FBXL17: variants seen among roughly 807,000 people sequenced by gnomAD.
The protein encoded by FBXL17 is F-box and leucine rich repeat protein 17.
Under a neutral mutation model 66.2 loss-of-function variants are expected in FBXL17, and 22 were observed. The ratio of observed to expected loss-of-function variants is 0.33; its 90% CI spans 0.24 to 0.47. The LOEUF is 0.47. FBXL17 is among the 20% of genes least tolerant of loss of function. The pLI, the probability that FBXL17 is intolerant of heterozygous loss-of-function variation, is 1.00. For synonymous variants in FBXL17, 474 were observed against 400.5 expected, an observed-to-expected ratio of 1.18 and a Z score of -2.19; for missense variants, 878 against 948.2, an observed-to-expected ratio of 0.93 and a Z score of 0.97.
At chr5:108,134,949 G>T (rs1044846774) in intron 6 of FBXL17, among the ~76,000 whole-genome samples, 1 of 152,084 alleles carries the variant, frequency 6.6e-6, no homozygotes, top group Non-Finnish European at 1.5e-5. Flanking sequence ...TTTTAATGAT[G>T]ACATCTTCTA....
intron 7 of FBXL17, among the ~76,000 whole-genome samples, chr5:107,980,562 C>A (rs1752768087): frequency 6.8e-6 from 1 of 146,906 alleles, no homozygotes; most frequent in South Asian, 2.2e-4. Context: ...TCTTGAACTC[C>A]TGGGCTCAAG....
chr5:108,004,680 G>A (rs1394729534), intron 7 of FBXL17, among the ~76,000 whole-genome samples: 1 of 152,144 alleles, frequency 6.6e-6, no homozygotes, highest in African/African-American at 2.4e-5. Context: ...TCTTCTGAAT[G>A]AAAATGGAGG....
chr5:108,323,136 A>T (rs1214413929), intron 4 of FBXL17, among the ~76,000 whole-genome samples: 1 of 151,950 alleles, frequency 6.6e-6, no homozygotes, highest in Non-Finnish European at 1.5e-5. Context: ...AAGGAAAGAC[A>T]TCTAAATTAG....
intron 6 of FBXL17, among the ~76,000 whole-genome samples, chr5:108,120,279 A>T (rs1004684650): frequency 6.6e-6 from 1 of 152,232 alleles, no homozygotes; most frequent in African/African-American, 2.4e-5. Flanking sequence ...AAAGTGGCTT[A>T]TAAGATGGAA....
At chr5:108,105,449 G>A (rs1749760192) in intron 6 of FBXL17, among the ~76,000 whole-genome samples, 1 of 152,192 alleles carries the variant, frequency 6.6e-6, no homozygotes, top group South Asian at 2.1e-4. Context: ...GCCACATGCT[G>A]TTTTGAAGAT....
intron 6 of FBXL17, among the ~76,000 whole-genome samples, chr5:108,027,629 A>G (rs1186359044): frequency 6.6e-6 from 1 of 152,138 alleles, no homozygotes; most frequent in Non-Finnish European, 1.5e-5. Context: ...TATAACCTTG[A>G]TGGATCAAAT....
intron 4 of FBXL17, among the ~76,000 whole-genome samples, chr5:108,322,143 T>G (rs1418838112): frequency 2.0e-5 from 3 of 151,884 alleles, no homozygotes; most frequent in Non-Finnish European, 2.9e-5. Flanking sequence ...TCTGGCAATA[T>G]CTACGAAAAT....
intron 4 of FBXL17, among the ~76,000 whole-genome samples, chr5:108,333,759 T>C (rs558718328): frequency 6.6e-6 from 1 of 152,230 alleles, no homozygotes; most frequent in South Asian, 2.1e-4. Context: ...AAAACCCCAA[T>C]GAGATTGTCT....
chr5:108,374,451 C>T (rs916618029), intron 1 of FBXL17, among the ~76,000 whole-genome samples: 6 of 152,114 alleles, frequency 3.9e-5, no homozygotes, highest in African/African-American at 1.4e-4. Flanking sequence ...GGAGGCAGAT[C>T]ACTTGAGCCC....
Position 108,196,509 on chromosome 5 carries a change from G to A in FBXL17, c.1615-10262C>T, listed in dbSNP as rs116556937. 3.6e-3 allele frequency among the ~76,000 whole-genome samples: 543 copies of A among 152,260 alleles called. 4 individuals are homozygous for A. The highest frequency in any genetic ancestry group is 0.013 in the African/African-American group (526 of 41,558). The stretch of plus-strand genomic sequence containing the variant: ...ATGTTCCTTCCACTAGAGTCAAAAG[G>A]AAGCTACTGCAGGTCAGGACCATGT... On this transcript the variant is annotated intron_variant, in intron 5 of 8. Coordinates refer to ENST00000542267, the MANE Select transcript of FBXL17 (RefSeq NM_001163315.3).
chr5:107,869,053 A>G (rs1343127669), intron 8 of FBXL17, among the ~76,000 whole-genome samples: 1 of 152,178 alleles, frequency 6.6e-6, no homozygotes, highest in Admixed American at 6.5e-5. Flanking sequence ...GGGAAAAGTA[A>G]AGTGCCCACA....
chr5:108,368,496 A>T (rs991693471), intron 1 of FBXL17, among the ~76,000 whole-genome samples: 1 of 152,106 alleles, frequency 6.6e-6, no homozygotes, highest in African/African-American at 2.4e-5. Context: ...AATAAAATAT[A>T]TATACTAAAT....
At chr5:108,073,663 A>G (rs1748426748) in intron 6 of FBXL17, among the ~76,000 whole-genome samples, 1 of 152,208 alleles carries the variant, frequency 6.6e-6, no homozygotes, top group Non-Finnish European at 1.5e-5. Flanking sequence ...GTTTCCCTGA[A>G]AATCCAACAT....
intron 4 of FBXL17, among the ~76,000 whole-genome samples, chr5:108,295,307 AT>A (rs1308503049): frequency 1.3e-5 from 2 of 151,834 alleles, no homozygotes; most frequent in Admixed American, 6.6e-5. Context: ...AATTTTTAAT[AT>A]TTTTTAAATA....
chr5:107,996,185 G>T (rs1421273572), intron 7 of FBXL17, among the ~76,000 whole-genome samples: 1 of 152,076 alleles, frequency 6.6e-6, no homozygotes, highest in Non-Finnish European at 1.5e-5. Context: ...GCCTTGCTGA[G>T]TTCTCCTGTC....
chr5:108,262,155 C>T (rs1001124005), intron 4 of FBXL17, among the ~76,000 whole-genome samples: 1 of 150,394 alleles, frequency 6.6e-6, no homozygotes. Context: ...TGGCTCACTG[C>T]AAGCTCCGCC....
At chr5:108,117,615 G>A (rs1359844930) in intron 6 of FBXL17, among the ~76,000 whole-genome samples, 1 of 152,056 alleles carries the variant, frequency 6.6e-6, no homozygotes. Flanking sequence ...CTATGAAGAT[G>A]ACATTAATTT....
chr5:108,152,816 C>T (rs1216197551), intron 6 of FBXL17, among the ~76,000 whole-genome samples: 1 of 152,152 alleles, frequency 6.6e-6, no homozygotes. Context: ...ATGAGATATA[C>T]TAAAAAGTAT....
At chr5:108,252,647 TA>T (rs1302855294) in intron 4 of FBXL17, among the ~76,000 whole-genome samples, 1 of 152,108 alleles carries the variant, frequency 6.6e-6, no homozygotes, top group African/African-American at 2.4e-5. Context: ...TAATACCATT[TA>T]AATATGTTCT....
Sources: gnomAD v4.1 joint callset for allele counts (sites outside exome capture counted in the v4.1 genomes callset) on GRCh38, gnomAD v4.1.1 for gene constraint, MANE v1.5 for transcripts, NCBI Gene and HGNC (gene_info 2026-07-23, HGNC 2026-07-21) for gene names.